Variants in ITGB3 observed in about 807,000 individuals in gnomAD.
ITGB3 encodes the protein integrin subunit beta 3, also known as integrin beta-3.
A neutral mutation model predicts 85.8 loss-of-function variants in ITGB3; 48 were observed. The observed-to-expected ratio is 0.56, with a 90% CI of 0.44 to 0.71. ITGB3 has a LOEUF of 0.71. Ranked by LOEUF, ITGB3 falls within the 30% of genes least tolerant of loss-of-function variation. The probability of loss-of-function intolerance (pLI) is 0.00; values close to 1 mark genes in which losing one functional copy is unlikely to be tolerated. For missense variants in ITGB3, 861 were observed against 1,019.1 expected (o/e 0.84, Z 2.11); for synonymous variants, 363 against 395.6 (o/e 0.92, Z 0.98).
intron 13 of ITGB3, among the ~76,000 whole-genome samples, chr17:47,303,972 G>A (rs1319298933): frequency 1.3e-5 from 2 of 151,930 alleles, no homozygotes; most frequent in Non-Finnish European, 2.9e-5. Flanking sequence ...GCTCACTGCA[G>A]TCTCAACCTC....
chr17:47,258,970 C>T (rs1045979928), intron 1 of ITGB3, among the ~76,000 whole-genome samples: 5 of 152,220 alleles, frequency 3.3e-5, no homozygotes, highest in South Asian at 2.1e-4. Flanking sequence ...GAGGCCACTC[C>T]GTCATCCTCC....
At chr17:47,267,718 G>A (rs1696936299) in intron 1 of ITGB3, among the ~76,000 whole-genome samples, 1 of 152,098 alleles carries the variant, frequency 6.6e-6, no homozygotes, top group Non-Finnish European at 1.5e-5. Flanking sequence ...TCACTGGGAG[G>A]GACCTGCTGT....
intron 1 of ITGB3, among the ~76,000 whole-genome samples, chr17:47,268,339 G>A (rs979838249): frequency 9.9e-5 from 15 of 152,136 alleles, no homozygotes; most frequent in African/African-American, 3.6e-4. Context: ...ACTCATTCAA[G>A]GATTAACCTG....
intron 1 of ITGB3, among the ~76,000 whole-genome samples, chr17:47,255,968 AAAATAAAT>A (rs574713478): frequency 1.1e-4 from 16 of 150,974 alleles, no homozygotes; most frequent in South Asian, 4.2e-4. Context: ...CAACTCAGTA[AAAATAAAT>A]AAATAAATAA....
intron 3 of ITGB3, among the ~76,000 whole-genome samples, chr17:47,283,797 A>G (rs952695210): frequency 2.0e-5 from 3 of 152,160 alleles, no homozygotes; most frequent in Admixed American, 2.0e-4. Context: ...AAGTTACTTA[A>G]CCCTTCAGAC....
At chr17:47,258,053 C>G (rs2064996366) in intron 1 of ITGB3, among the ~76,000 whole-genome samples, 1 of 152,180 alleles carries the variant, frequency 6.6e-6, no homozygotes, top group East Asian at 1.9e-4. Flanking sequence ...GCAGAAATCT[C>G]CAGGAAGCAT....
At chr17:47,274,549 G>A (rs765826973) in intron 2 of ITGB3, 45 bp downstream of exon 2, 3 of 1,546,400 alleles carry the variant, frequency 1.9e-6, no homozygotes, top group Middle Eastern at 1.7e-4. Flanking sequence ...AGACTAAGCT[G>A]CTTTTGTGCA....
intron 1 of ITGB3, among the ~76,000 whole-genome samples, chr17:47,273,707 A>G (rs933907569): frequency 2.6e-5 from 4 of 152,230 alleles, no homozygotes; most frequent in Non-Finnish European, 5.9e-5. Flanking sequence ...GAGTTGCCCA[A>G]GGTCATGAAG....
chr17:47,275,860 G>A (rs997405235), intron 2 of ITGB3, among the ~76,000 whole-genome samples: 1 of 152,174 alleles, frequency 6.6e-6, no homozygotes, highest in Non-Finnish European at 1.5e-5. Context: ...GGTGTAAGGG[G>A]GGCATGGATG....
In ITGB3 at chr17:47,313,343, TTTTC is replaced by T. The variant is rs1210338750; in HGVS notation, c.*3143_*3146del. Among the ~76,000 whole-genome samples the T allele has an allele frequency of 7.5e-5, 8 of 107,154 alleles. No homozygotes were observed. The highest frequency in any genetic ancestry group is 1.8e-4 in the African/African-American group (5 of 28,032). 70.3% of individuals were successfully genotyped at this position (107,154 alleles called of 152,430 possible). On this transcript the variant is annotated 3_prime_UTR_variant, in exon 15 of 15. Transcript: ENST00000559488. The stretch of plus-strand genomic sequence containing the variant: ...GTTAAGTATTCCTGGTTGAAATTTC[TTTTC>T]TTTTTTTTTTTTTTTTTGAGACAGA...
At chr17:47,274,588 CT>C (rs2065056464) in intron 2 of ITGB3, 84 bp downstream of exon 2, 1 of 1,130,950 alleles carries the variant, frequency 8.8e-7, no homozygotes, top group African/African-American at 1.5e-5. Flanking sequence ...TATCACCTCC[CT>C]CTTGAATACA....
At chr17:47,300,418 C>A in intron 11 of ITGB3, 60 bp from the exon 12 acceptor site, 2 of 1,195,744 alleles carry the variant, frequency 1.7e-6, no homozygotes, top group Non-Finnish European at 2.5e-6. Flanking sequence ...CAGAGCTGGA[C>A]TGGGATACGC....
chr17:47,299,649 A>T lies in ITGB3; in HGVS notation c.1913+119A>T. 3.1e-6 allele frequency: 3 copies of T among 955,058 alleles called. No individual in the cohort carries two copies. Among genetic ancestry groups the T allele is most frequent in the Non-Finnish European group, 4.9e-6 (3 of 611,494 alleles). The allele number at this position is 955,058 out of a possible 1,614,324, so 59.2% of individuals were successfully genotyped here. On this transcript the variant is annotated intron_variant, in intron 11 of 14. Coordinates refer to ENST00000559488, the MANE Select transcript of ITGB3 (RefSeq NM_000212.3). The surrounding 1 kb of genome is among the most constrained non-coding windows in gnomAD (Gnocchi z 5.1). ...ACCAGAGCCTTAGGGAGAGGAGTCC[A>T]CTCCAGCCAGATGGCTGTCTCTCCT...
rs1016508974 is a variant in ITGB3 at position 47,275,881 on chromosome 17, C to T, written c.165+1377C>T. ...AGGGGGGCATGGATGAGACCTTCTC[C>T]CCCACCCCCGCAGGTTCTCCTCCCC... On this transcript the variant is annotated intron_variant, in intron 2 of 14. Transcript: ENST00000559488. 7.4e-4 allele frequency among the ~76,000 whole-genome samples: 112 copies of T among 152,268 alleles called. 1 individual carries two copies. The highest frequency in any genetic ancestry group is 2.7e-3 in the African/African-American group (111 of 41,556).
At chr17:47,287,562 C>G (rs1351196900) in intron 6 of ITGB3, among the ~76,000 whole-genome samples, 1 of 152,150 alleles carries the variant, frequency 6.6e-6, no homozygotes, top group Non-Finnish European at 1.5e-5. Flanking sequence ...TTAGCCCTTT[C>G]TTGGAATACC....
In ITGB3 at chr17:47,299,587, A is replaced by C. The variant is rs1244042995; in HGVS notation, c.1913+57A>C. ...CTGGGAGGTAGGAGAGGATCCCCTG[A>C]CTAGAATCCCCAGCTCTCCAGGTGT... On this transcript the variant is annotated intron_variant, in intron 11 of 14. Transcript: ENST00000559488. The surrounding 1 kb of genome is among the most constrained non-coding windows in gnomAD (Gnocchi z 5.1). 3 of 1,481,472 alleles carry C rather than the reference A, an allele frequency of 2.0e-6. No individual in the cohort carries two copies. The highest frequency in any genetic ancestry group is 2.8e-6 in the Non-Finnish European group (3 of 1,068,678). The allele number at this position is 1,481,472 out of a possible 1,614,324, so 91.8% of individuals were successfully genotyped here. A position where few individuals can be genotyped will look rare whatever the true frequency, so the allele number is the denominator to read the frequency against.
At chr17:47,280,714 T>C (rs1158376086) in intron 2 of ITGB3, among the ~76,000 whole-genome samples, 1 of 152,118 alleles carries the variant, frequency 6.6e-6, no homozygotes, top group African/African-American at 2.4e-5. Context: ...CTTCTGGCAT[T>C]ATGGCTGCCA....
intron 1 of ITGB3, among the ~76,000 whole-genome samples, chr17:47,270,715 A>G (rs1033867625): frequency 1.3e-5 from 2 of 152,164 alleles, no homozygotes; most frequent in Non-Finnish European, 2.9e-5. Context: ...CCCAGAGGTT[A>G]TTCATGGGCT....
intron 13 of ITGB3, among the ~76,000 whole-genome samples, chr17:47,306,096 T>C (rs2065186908): frequency 6.6e-6 from 1 of 152,126 alleles, no homozygotes; most frequent in Non-Finnish European, 1.5e-5. Flanking sequence ...GGCTGTAACA[T>C]CCACAGGAGC....
Sources: allele counts gnomAD v4.1 joint callset (sites outside exome capture counted in the v4.1 genomes callset), GRCh38; gene constraint gnomAD v4.1.1; non-coding constraint Gnocchi (gnomAD v3.1); transcripts MANE v1.5; gene names NCBI Gene and HGNC (gene_info 2026-07-23, HGNC 2026-07-21).